The following CLGN variants were observed in gnomAD, a reference collection of about 807,000 sequenced individuals.
CLGN encodes the protein calmegin.
Under a neutral mutation model 79.1 loss-of-function variants are expected in CLGN, and 62 were observed. That is an observed-to-expected ratio of 0.78 (90% CI 0.64 to 0.97). The LOEUF is 0.97. Ranked by LOEUF, CLGN falls within the 50% of genes least tolerant of loss-of-function variation. The probability of loss-of-function intolerance (pLI) is 0.00; values close to 1 mark genes in which losing one functional copy is unlikely to be tolerated. For missense variants in CLGN, 647 were observed against 715.5 expected (o/e 0.90, Z 1.09); for synonymous variants, 225 against 224.7 (o/e 1.00, Z -0.01).
At position 140,393,394 on chromosome 4, in the gene CLGN, G is replaced by T. The variant is rs141841243; in HGVS notation, c.1365+432C>A. Reference sequence around the variant, plus strand: ...CCAACCTTTTCTAAACAGTGTTAAGGTTTCGGGAAAAAACTGGAACAGAAT... The same window carrying T: ...CCAACCTTTTCTAAACAGTGTTAAGTTTTCGGGAAAAAACTGGAACAGAAT... On this transcript the variant is annotated intron_variant, in intron 11 of 14. Coordinates refer to ENST00000325617, the MANE Select transcript of CLGN (RefSeq NM_004362.3). 3.4e-3 allele frequency among the ~76,000 whole-genome samples: 518 copies of T among 152,080 alleles called. 2 individuals carry two copies. The highest frequency in any genetic ancestry group is 0.012 in the South Asian group (59 of 4,820).
chr4:140,413,797 C>T (rs1356705274), intron 1 of CLGN, among the ~76,000 whole-genome samples: 2 of 152,262 alleles, frequency 1.3e-5, no homozygotes, highest in Admixed American at 1.3e-4. Context: ...CCCGCCATTG[C>T]CCAGGCTTGA....
At chr4:140,392,946 T>C (rs1210400770) in intron 11 of CLGN, among the ~76,000 whole-genome samples, 4 of 152,092 alleles carry the variant, frequency 2.6e-5, no homozygotes. Context: ...AAGTGGAAAC[T>C]TCTAACATAC....
chr4:140,415,113 G>GT (rs1223939206), intron 1 of CLGN, among the ~76,000 whole-genome samples: 1 of 152,062 alleles, frequency 6.6e-6, no homozygotes, highest in Non-Finnish European at 1.5e-5. Context: ...CTTCATAAGT[G>GT]AAGGAGAAAT....
Position 140,398,938 on chromosome 4 carries a change from T to G in CLGN, c.797A>C (p.Glu266Ala). ...DVVPPIKPPKEIEDPNDKKPE... is the reference protein window; with the variant it reads ...DVVPPIKPPKAIEDPNDKKPE... ...TTTTTTATCATTGGGATCTTCAATT[T>G]CTTTGGGAGGTTTGATAGGAGGAAC... The change falls in exon 8 of 15, where the codon GAA (glutamate) becomes GCA (alanine). Residue 266 changes from glutamate to alanine, a missense_variant. Transcript: ENST00000325617. The G allele has an allele frequency of 1.9e-6, 3 of 1,613,978 alleles. No individual in the cohort carries two copies. Among genetic ancestry groups the G allele is most frequent in the African/African-American group, 2.7e-5 (2 of 75,040 alleles).
chr4:140,405,178 T>A (rs1484373102), intron 5 of CLGN, among the ~76,000 whole-genome samples: 8 of 129,278 alleles, frequency 6.2e-5, no homozygotes, highest in African/African-American at 2.0e-4. Flanking sequence ...TTTTTATTTT[T>A]ATTTTTTTTT....
chr4:140,396,893 A>ATG (rs1560739969), intron 8 of CLGN, among the ~76,000 whole-genome samples: 15 of 55,446 alleles, frequency 2.7e-4, no homozygotes, highest in Non-Finnish European at 4.2e-4. Context: ...ATATATATGT[A>ATG]TATATATATA....
At position 140,425,427 on chromosome 4, in the gene CLGN, A is replaced by AGGGTGTGTGG. The variant is rs752697717; in HGVS notation, c.-10+2109_-10+2110insCCACACACCC. Among the ~76,000 whole-genome samples, 50 of 79,358 alleles carry AGGGTGTGTGG rather than the reference A, an allele frequency of 6.3e-4. No homozygotes were observed. In the East Asian group the frequency reaches 0.015, roughly 24 times the overall value. 52.1% of individuals were successfully genotyped at this position (79,358 alleles called of 152,430 possible). ...AGTTCATCAGAGAAGCAGAATCAAT[A>AGGGTGTGTGG]GGGTGTGTGTGTGTGTGTGTGTGTG... On this transcript the variant is annotated intron_variant, in intron 1 of 14. Coordinates refer to ENST00000325617, the MANE Select transcript of CLGN (RefSeq NM_004362.3).
chr4:140,397,986 T>G (rs560261692), intron 8 of CLGN, among the ~76,000 whole-genome samples: 130 of 152,328 alleles, frequency 8.5e-4, no homozygotes, highest in Non-Finnish European at 1.4e-3. Context: ...AATACAATTT[T>G]CATCATTACA....
chr4:140,396,812 C>A (rs1422045003), intron 8 of CLGN, among the ~76,000 whole-genome samples: 1 of 148,574 alleles, frequency 6.7e-6, no homozygotes, highest in Non-Finnish European at 1.5e-5. Context: ...CCCACCTCAG[C>A]CCCCCAAAGT....
chr4:140,407,492 A>G (rs1432014687), intron 4 of CLGN, among the ~76,000 whole-genome samples: 2 of 152,104 alleles, frequency 1.3e-5, no homozygotes, highest in Non-Finnish European at 2.9e-5. Flanking sequence ...CTCAGCTTAC[A>G]AAATCAATGT....
chr4:140,391,268 T>C (rs1728766183), intron 13 of CLGN, among the ~76,000 whole-genome samples: 1 of 151,846 alleles, frequency 6.6e-6, no homozygotes. Context: ...AAATCAACTC[T>C]ACTTCTTCTA....
chr4:140,412,857 A>C, intron 2 of CLGN, 78 bp downstream of exon 2: 1 of 1,240,588 alleles, frequency 8.1e-7, no homozygotes. Flanking sequence ...ATTTGAACTG[A>C]AATGAATCAC....
Position 140,410,547 on chromosome 4 carries a change from A to ACT in CLGN, c.218+4_218+5dup. The ACT allele has an allele frequency of 6.3e-7, 1 of 1,580,516 alleles. No homozygotes were observed. Among genetic ancestry groups the ACT allele is most frequent in the Middle Eastern group, 1.7e-4 (1 of 6,016 alleles). Reference sequence around the variant, plus strand: ...AAAGAAAACATTCTCTTGAATGAATACTCACCCAGCCAACCTTCCACTATC... The same window carrying ACT: ...AAAGAAAACATTCTCTTGAATGAATACTCTCACCCAGCCAACCTTCCACTATC... On this transcript the variant is annotated splice_donor_region_variant and intron_variant, in intron 3 of 14. Coordinates refer to ENST00000325617, the MANE Select transcript of CLGN (RefSeq NM_004362.3).
Position 140,392,354 on chromosome 4 carries a change from T to C in CLGN, c.1516A>G (p.Lys506Glu). ...VKKKHKDTEY[K>E]KTDICIPQTK... ...TGTGGTATACATATGTCGGTTTTTT[T>C]ATACTCTGTATCTTTATGTTTTTTC... Residue 506 changes from lysine (K) to glutamate (E), a missense_variant, in exon 13 of 15, where the codon AAA becomes GAA. Physicochemically the swap from Lys to Glu is moderately conservative, Grantham distance 56. Transcript: ENST00000325617. 1 of 1,606,198 alleles carries C rather than the reference T, an allele frequency of 6.2e-7. No homozygotes were observed. Among genetic ancestry groups the C allele is most frequent in the Non-Finnish European group, 8.5e-7 (1 of 1,177,440 alleles).
At chr4:140,404,334 C>T (rs1377579143) in intron 5 of CLGN, among the ~76,000 whole-genome samples, 1 of 152,162 alleles carries the variant, frequency 6.6e-6, no homozygotes, top group Admixed American at 6.5e-5. Context: ...ACCTCGTGAT[C>T]CACCCACCTT....
chr4:140,422,916 C>T (rs1315824341), intron 1 of CLGN, among the ~76,000 whole-genome samples: 1 of 152,146 alleles, frequency 6.6e-6, no homozygotes, highest in Non-Finnish European at 1.5e-5. Context: ...CATGCCTGGC[C>T]TTCATTTATT....
At chr4:140,416,804 T>C (rs1015636720) in intron 1 of CLGN, among the ~76,000 whole-genome samples, 18 of 152,150 alleles carry the variant, frequency 1.2e-4, no homozygotes, top group African/African-American at 4.3e-4. Context: ...CTTCTGAAAC[T>C]ATTCCAATCA....
intron 10 of CLGN, among the ~76,000 whole-genome samples, chr4:140,394,719 T>C (rs1728836156): frequency 6.6e-6 from 1 of 152,194 alleles, no homozygotes; most frequent in African/African-American, 2.4e-5. Context: ...TTGTGTTAAA[T>C]GCTTTTAATA....
intron 5 of CLGN, among the ~76,000 whole-genome samples, chr4:140,403,926 T>C (rs1210935345): frequency 6.6e-6 from 1 of 152,144 alleles, no homozygotes; most frequent in Non-Finnish European, 1.5e-5. Flanking sequence ...TTTCTCAAAT[T>C]GTTCCATGAA....
Sources: gnomAD v4.1 joint callset for allele counts (sites outside exome capture counted in the v4.1 genomes callset) on GRCh38, gnomAD v4.1.1 for gene constraint, MANE v1.5 for transcripts, NCBI Gene and HGNC (gene_info 2026-07-23, HGNC 2026-07-21) for gene names.